The following CHST11 variants were observed in gnomAD, a reference collection of about 807,000 sequenced individuals.
CHST11 encodes the protein carbohydrate sulfotransferase 11, also known as C4S-1.
A neutral mutation model predicts 30.4 loss-of-function variants in CHST11; 9 were observed. The ratio of observed to expected loss-of-function variants is 0.30; its 90% CI spans 0.18 to 0.52. The LOEUF (loss-of-function observed/expected upper bound fraction) is 0.52, where lower values mean the gene tolerates loss of function less well. Among genes scored for constraint, CHST11 ranks in the 20% least tolerant of loss-of-function variants. The probability of loss-of-function intolerance (pLI) is 0.97; values close to 1 mark genes in which losing one functional copy is unlikely to be tolerated. For missense variants in CHST11, 348 were observed against 460.6 expected (o/e 0.76, Z 2.24); for synonymous variants, 152 against 187.8 (o/e 0.81, Z 1.56).
intron 1 of CHST11, among the ~76,000 whole-genome samples, chr12:104,483,749 C>T (rs1036681551): frequency 7.2e-5 from 11 of 152,138 alleles, no homozygotes; most frequent in Admixed American, 2.6e-4. Context: ...TTCCTCAGTA[C>T]GCCCCCTTAG....
chr12:104,556,054 G>T (rs967147620), intron 1 of CHST11, among the ~76,000 whole-genome samples: 6 of 152,264 alleles, frequency 3.9e-5, no homozygotes, highest in Non-Finnish European at 8.8e-5. Flanking sequence ...TGGTACAGGT[G>T]TGGAGCACAT....
At chr12:104,683,664 C>A (rs2039818539) in intron 2 of CHST11, among the ~76,000 whole-genome samples, 1 of 152,222 alleles carries the variant, frequency 6.6e-6, no homozygotes, top group Non-Finnish European at 1.5e-5. Context: ...GATTACCCAC[C>A]TGCAAAGGAA....
At chr12:104,673,152 G>A (rs2039711511) in intron 2 of CHST11, among the ~76,000 whole-genome samples, 1 of 152,058 alleles carries the variant, frequency 6.6e-6, no homozygotes, top group Non-Finnish European at 1.5e-5. Flanking sequence ...CTCTTATAAA[G>A]ACACGTCATT....
At position 104,710,683 on chromosome 12, in the gene CHST11, C is replaced by T. The variant is rs567876308; in HGVS notation, c.205-46266C>T. Among the ~76,000 whole-genome samples the T allele has an allele frequency of 4.6e-5, 7 of 152,288 alleles. No individual in the cohort carries two copies. The East Asian group carries it at 5.8e-4, about 13-fold the overall frequency. On this transcript the variant is annotated intron_variant, in intron 2 of 2. Coordinates refer to ENST00000303694, the MANE Select transcript of CHST11 (RefSeq NM_018413.6). Reference sequence around the variant, plus strand: ...TAAGTCACAGGTTTGAGCCCCCAGACGATGAGTAAACGTGGCCCCTCAAAC... The same window carrying T: ...TAAGTCACAGGTTTGAGCCCCCAGATGATGAGTAAACGTGGCCCCTCAAAC...
At chr12:104,603,842 G>A (rs1478267744) in intron 2 of CHST11, among the ~76,000 whole-genome samples, 1 of 152,196 alleles carries the variant, frequency 6.6e-6, no homozygotes, top group East Asian at 1.9e-4. Flanking sequence ...TTATAATGTG[G>A]CATGAGCAAT....
At chr12:104,528,208 A>C (rs1245842563) in intron 1 of CHST11, among the ~76,000 whole-genome samples, 1 of 152,232 alleles carries the variant, frequency 6.6e-6, no homozygotes, top group Non-Finnish European at 1.5e-5. Flanking sequence ...CTATACACCA[A>C]ACAAGCATGT....
chr12:104,669,390 C>T (rs926769971), intron 2 of CHST11, among the ~76,000 whole-genome samples: 1 of 151,734 alleles, frequency 6.6e-6, no homozygotes, highest in Non-Finnish European at 1.5e-5. Context: ...GAATCCATTC[C>T]CCCTGCAGCT....
intron 2 of CHST11, among the ~76,000 whole-genome samples, chr12:104,623,687 A>G (rs1032332202): frequency 1.1e-4 from 17 of 151,740 alleles, no homozygotes; most frequent in Non-Finnish European, 1.0e-4. Context: ...CCCAGCCGAG[A>G]TCGCCTGGGT....
chr12:104,738,452 A>T (rs2040319671), intron 2 of CHST11, among the ~76,000 whole-genome samples: 1 of 152,236 alleles, frequency 6.6e-6, no homozygotes, highest in Non-Finnish European at 1.5e-5. Context: ...CTCCTGTGCC[A>T]TGCGTCCATG....
At chr12:104,652,278 G>C (rs1055736823) in intron 2 of CHST11, among the ~76,000 whole-genome samples, 1 of 152,108 alleles carries the variant, frequency 6.6e-6, no homozygotes, top group Non-Finnish European at 1.5e-5. Context: ...AAAATGGCAC[G>C]GACAATGATG....
At chr12:104,541,213 TGA>T (rs1420828631) in intron 1 of CHST11, among the ~76,000 whole-genome samples, 1 of 152,168 alleles carries the variant, frequency 6.6e-6, no homozygotes, top group African/African-American at 2.4e-5. Context: ...TGTGATTAAT[TGA>T]GAGTCTTTGG....
At chr12:104,523,397 G>A (rs530756923) in intron 1 of CHST11, among the ~76,000 whole-genome samples, 1 of 152,308 alleles carries the variant, frequency 6.6e-6, no homozygotes, top group South Asian at 2.1e-4. Context: ...ATATAGATGG[G>A]ATCTGTTCCC....
intron 1 of CHST11, chr12:104,514,044 G>C (rs1565970234): frequency 1.1e-6 from 1 of 899,050 alleles, no homozygotes; most frequent in Non-Finnish European, 1.8e-6. Flanking sequence ...GACCCCCGGG[G>C]CACTACTCAT....
chr12:104,469,341 T>C (rs942912170), intron 1 of CHST11, among the ~76,000 whole-genome samples: 1 of 152,234 alleles, frequency 6.6e-6, no homozygotes, highest in African/African-American at 2.4e-5. Context: ...TTTTGCTGAA[T>C]GCAGTGACCG....
chr12:104,514,208 C>T lies in CHST11; in HGVS notation c.118+56679C>T, dbSNP rs1045862133. 47 of 893,148 alleles carry T rather than the reference C, an allele frequency of 5.3e-5. 1 individual carries two copies. The highest frequency in any genetic ancestry group is 1.7e-4 in the South Asian group (13 of 76,764). The allele number at this position is 893,148 out of a possible 1,614,324, so 55.3% of individuals were successfully genotyped here. ...AGGAGTTCCAGACCAGTGTTGTCTC[C>T]GGGGACATTGACACAGCAGCCAAGT... is the stretch of plus-strand genomic sequence containing the variant. On this transcript the variant is annotated intron_variant, in intron 1 of 2. Coordinates refer to ENST00000303694, the MANE Select transcript of CHST11 (RefSeq NM_018413.6).
At chr12:104,682,295 G>T (rs771174120) in intron 2 of CHST11, among the ~76,000 whole-genome samples, 1 of 152,204 alleles carries the variant, frequency 6.6e-6, no homozygotes, top group Admixed American at 6.5e-5. Flanking sequence ...TATCAGGAAA[G>T]TTTTCTAAAG....
intron 2 of CHST11, among the ~76,000 whole-genome samples, chr12:104,614,910 A>G (rs372582081): frequency 6.6e-6 from 1 of 152,198 alleles, no homozygotes; most frequent in African/African-American, 2.4e-5. Flanking sequence ...GGCGTTCTCC[A>G]TCCACACCCC....
chr12:104,499,816 C>T (rs955881762), intron 1 of CHST11, among the ~76,000 whole-genome samples: 1 of 152,216 alleles, frequency 6.6e-6, no homozygotes, highest in African/African-American at 2.4e-5. Flanking sequence ...TTGCTGTCCT[C>T]CTTCTGCCCC....
intron 1 of CHST11, among the ~76,000 whole-genome samples, chr12:104,530,857 A>G (rs190794189): frequency 6.6e-6 from 1 of 152,380 alleles, no homozygotes; most frequent in East Asian, 1.9e-4. Context: ...CTTTGAGTAT[A>G]TAAATGGATT....
Sources: gnomAD v4.1 joint callset for allele counts (sites outside exome capture counted in the v4.1 genomes callset) on GRCh38, gnomAD v4.1.1 for gene constraint, MANE v1.5 for transcripts, NCBI Gene and HGNC (gene_info 2026-07-23, HGNC 2026-07-21) for gene names.